The following HAGH variants were observed in gnomAD, a reference collection of about 807,000 sequenced individuals.
HAGH encodes hydroxyacylglutathione hydrolase, also known as hydroxyacylglutathione hydrolase, mitochondrial.
Under a neutral mutation model 35.1 loss-of-function variants are expected in HAGH, and 29 were observed. The observed-to-expected ratio is 0.83, with a 90% CI of 0.62 to 1.13. The LOEUF (loss-of-function observed/expected upper bound fraction) is 1.13, where lower values mean the gene tolerates loss of function less well. HAGH is among the 50% of genes most tolerant of loss of function. HAGH has a pLI of 0.00. For missense variants in HAGH, 478 were observed against 419.6 expected (o/e 1.14, Z -1.22); for synonymous variants, 225 against 176.1 (o/e 1.28, Z -2.20).
At chr16:1,826,074 A>G (rs2142056547) in intron 1 of HAGH, among the ~76,000 whole-genome samples, 1 of 152,288 alleles carries the variant, frequency 6.6e-6, no homozygotes, top group South Asian at 2.1e-4. Context: ...TTCCTTAGCA[A>G]TGGCGACATT....
rs1018342769 is a variant in HAGH, at chr16:1,807,827, G to C, written c.*1456C>G. The C allele has an allele frequency of 1.7e-5, 2 of 116,540 alleles. No individual in the cohort carries two copies. Among genetic ancestry groups the C allele is most frequent in the Admixed American group, 1.8e-4 (2 of 10,970 alleles). 7.2% of individuals were successfully genotyped at this position (116,540 alleles called of 1,614,324 possible). On this transcript the variant is annotated 3_prime_UTR_variant, in exon 9 of 9. Coordinates refer to ENST00000397356, the MANE Select transcript of HAGH (RefSeq NM_005326.6). ...TGCGAACAGACCAGTGACCCCTCCG[G>C]GGGGAGGGCATGCATGTGGTCTGAA... is the stretch of plus-strand genomic sequence containing the variant.
Position 1,818,262 on chromosome 16 carries a change from A to G in HAGH, c.541+853T>C, listed in dbSNP as rs60931808. On this transcript the variant is annotated intron_variant, in intron 5 of 8. Coordinates refer to ENST00000397356, the MANE Select transcript of HAGH (RefSeq NM_005326.6). The stretch of plus-strand genomic sequence containing the variant: ...AAGAATCCTAAATCTGAGGTCCCCA[A>G]CTCCATCCCTCCCACACCGGCACCA... Among the ~76,000 whole-genome samples, 4 of 151,568 alleles carry G rather than the reference A, an allele frequency of 2.6e-5. 1 individual carries two copies. The South Asian group carries it at 8.3e-4, about 32-fold the overall frequency.
rs570984071 is a variant in HAGH at position 1,814,266 on chromosome 16, G to A, written c.747+2627C>T. ...AAGGTGGGCAGATCACCTGAGGTCA[G>A]GAGTTCGAGTCCAGCCTGATCAACA... On this transcript the variant is annotated intron_variant, in intron 7 of 8. Coordinates refer to ENST00000397356, the MANE Select transcript of HAGH (RefSeq NM_005326.6). Among the ~76,000 whole-genome samples, 4 of 152,196 alleles carry A rather than the reference G, an allele frequency of 2.6e-5. No homozygotes were observed. In the East Asian group the frequency reaches 7.7e-4, roughly 29 times the overall value.
upstream of HAGH, chr16:1,826,932 G>C: frequency 1.6e-6 from 1 of 635,368 alleles, no homozygotes; most frequent in Non-Finnish European, 2.5e-6. Flanking sequence ...CAACGCGCTC[G>C]CGCTCAACTT....
chr16:1,826,417 G>C, intron 1 of HAGH: 1 of 346,258 alleles, frequency 2.9e-6, no homozygotes, highest in Non-Finnish European at 4.1e-6. Flanking sequence ...GCCGGCCCGG[G>C]CAGGACGCGA....
chr16:1,820,036 TGGGCTGCCTGCTGAGCTGAGG>T (rs144480059), intron 3 of HAGH, 22 bp from the exon 4 acceptor site: 448,915 of 1,129,206 alleles, frequency 0.4, 146,334 homozygotes, highest in East Asian at 0.6. Flanking sequence ...ACAGGAGACC[TGGGCTGCCTGCTGAGCTGAGG>T]GGGCTGCCTG....
At chr16:1,818,752 G>T in intron 5 of HAGH, 1 of 220,232 alleles carries the variant, frequency 4.5e-6, no homozygotes, top group East Asian at 1.3e-4. Flanking sequence ...AGGGCCCCCA[G>T]ACTAGCACAG....
At chr16:1,819,470 C>T (rs1390676209) in intron 4 of HAGH, among the ~76,000 whole-genome samples, 1 of 152,262 alleles carries the variant, frequency 6.6e-6, no homozygotes, top group Non-Finnish European at 1.5e-5. Context: ...TCCTTCAAAA[C>T]TGGGCCAAAT....
At chr16:1,817,936 C>T (rs1374369976) in intron 5 of HAGH, among the ~76,000 whole-genome samples, 5 of 150,462 alleles carry the variant, frequency 3.3e-5, no homozygotes, top group African/African-American at 7.4e-5. Flanking sequence ...CAGTGGAGGC[C>T]GCCCCACTTC....
chr16:1,825,723 G>A (rs562535505), intron 1 of HAGH, among the ~76,000 whole-genome samples: 2 of 152,284 alleles, frequency 1.3e-5, no homozygotes, highest in Admixed American at 1.3e-4. Flanking sequence ...ACAGTTGTGT[G>A]CCACCACGCC....
chr16:1,819,193 T>A lies in HAGH; in HGVS notation c.463A>T (p.Thr155Ser). The A allele has an allele frequency of 6.2e-7, 1 of 1,609,380 alleles. No homozygotes were observed. Among genetic ancestry groups the A allele is most frequent in the Non-Finnish European group, 8.5e-7 (1 of 1,178,064 alleles). ...ATGTGTCCTGAAGTGTGGCACGGGG[T>A]CGCCAGGCACTTGACGTTCAGAGAC... ...VGSLNVKCLA[T>S]PCHTSGHICY... Residue 155 changes from threonine (T) to serine (S), a missense_variant, in exon 5 of 9, where the codon ACC becomes TCC. Thr to Ser is a moderately conservative substitution (Grantham distance 58). Transcript: ENST00000397356.
intron 7 of HAGH, among the ~76,000 whole-genome samples, chr16:1,816,426 G>A (rs1160857974): frequency 1.3e-5 from 2 of 152,112 alleles, no homozygotes; most frequent in Non-Finnish European, 2.9e-5. Flanking sequence ...ACCCAGGCGT[G>A]CGTGCTTGTG....
intron 3 of HAGH, among the ~76,000 whole-genome samples, chr16:1,820,874 G>C (rs890845018): frequency 2.6e-5 from 4 of 152,194 alleles, no homozygotes; most frequent in African/African-American, 9.7e-5. Flanking sequence ...CCATCGGTGA[G>C]CAAACCCCAC....
At position 1,811,819 on chromosome 16, in the gene HAGH, C is replaced by T. The variant is rs981912679; in HGVS notation, c.748-1986G>A. On this transcript the variant is annotated intron_variant, in intron 7 of 8. Transcript: ENST00000397356. ...TCCAGGGTGCAAAAGGAGTTGAAAA[C>T]TCTCAACGTCCCTCCTATGGGGATT... Among the ~76,000 whole-genome samples, 26 of 152,322 alleles carry T rather than the reference C, an allele frequency of 1.7e-4. 1 individual carries two copies. Among genetic ancestry groups the T allele is most frequent in the Middle Eastern group, 3.4e-3 (1 of 294 alleles).
chr16:1,821,975 C>A, intron 3 of HAGH: 9 of 235,784 alleles, frequency 3.8e-5, no homozygotes, highest in East Asian at 7.2e-5. Context: ...TTAAAAACCA[C>A]TCACCTGTAG....
Position 1,808,680 on chromosome 16 carries a change from C to T in HAGH, c.*603G>A, listed in dbSNP as rs1468189913. 2.6e-5 allele frequency: 4 copies of T among 152,390 alleles called. No homozygotes were observed. The highest frequency in any genetic ancestry group is 7.2e-5 in the African/African-American group (3 of 41,434). The allele number at this position is 152,390 out of a possible 1,614,324, so 9.4% of individuals were successfully genotyped here. On this transcript the variant is annotated 3_prime_UTR_variant, in exon 9 of 9. Transcript: ENST00000397356. ...CTCTGCCACCAGCCACACCCAGAGC[C>T]GGGGCAGGACATGTGGCCACCTACC... is the stretch of plus-strand genomic sequence containing the variant.
Position 1,809,346 on chromosome 16 carries a change from G to C in HAGH, c.864C>G (p.Asp288Glu). ...GCACGGCCCGCATGGTGGTCACCGGGTCCGTCTCACCTGCGTGCTGCTGCA... is the reference window on the plus strand; with the variant it reads ...GCACGGCCCGCATGGTGGTCACCGGCTCCGTCTCACCTGCGTGCTGCTGCA... ...KTVQQHAGET[D>E]PVTTMRAVRR... Residue 288 changes from aspartate to glutamate, a missense_variant, in exon 9 of 9, where the codon GAC becomes GAG. Asp to Glu is a conservative substitution (Grantham distance 45). Coordinates refer to ENST00000397356, the MANE Select transcript of HAGH (RefSeq NM_005326.6). 1 of 1,613,356 alleles carries C rather than the reference G, an allele frequency of 6.2e-7. No homozygotes were observed. Among genetic ancestry groups the C allele is most frequent in the Non-Finnish European group, 8.5e-7 (1 of 1,179,928 alleles).
rs1479440771 is a variant in HAGH, at chr16:1,808,655, C to G, written c.*628G>C. 1 of 152,394 alleles carries G rather than the reference C, an allele frequency of 6.6e-6. No homozygotes were observed. The highest frequency in any genetic ancestry group is 1.5e-5 in the Non-Finnish European group (1 of 68,250). 9.4% of individuals were successfully genotyped at this position (152,394 alleles called of 1,614,324 possible). On this transcript the variant is annotated 3_prime_UTR_variant, in exon 9 of 9. Coordinates refer to ENST00000397356, the MANE Select transcript of HAGH (RefSeq NM_005326.6). ...TTGTCCTGCCCTTCCCTCATAGACC[C>G]TCTGCCACCAGCCACACCCAGAGCC...
rs1202645313 is a variant in HAGH, at chr16:1,807,915, G to A, written c.*1368C>T. 6.6e-6 allele frequency: 1 copy of A among 152,248 alleles called. No individual in the cohort carries two copies. The highest frequency in any genetic ancestry group is 1.5e-5 in the Non-Finnish European group (1 of 68,068). The allele number at this position is 152,248 out of a possible 1,614,324, so 9.4% of individuals were successfully genotyped here. A position where few individuals can be genotyped will look rare whatever the true frequency, so the allele number is the denominator to read the frequency against. On this transcript the variant is annotated 3_prime_UTR_variant, in exon 9 of 9. Coordinates refer to ENST00000397356, the MANE Select transcript of HAGH (RefSeq NM_005326.6). ...GGGCCAGGCTTGCTCCTAGGTCCCA[G>A]GGCCGCTCTGCCCCTCCACTCAGAA...
Sources: gnomAD v4.1 joint callset for allele counts (sites outside exome capture counted in the v4.1 genomes callset) on GRCh38, gnomAD v4.1.1 for gene constraint, MANE v1.5 for transcripts, NCBI Gene and HGNC (gene_info 2026-07-23, HGNC 2026-07-21) for gene names.